Variants in SH3RF3 observed in about 807,000 individuals in gnomAD.
The protein encoded by SH3RF3 is SH3 domain containing ring finger 3.
SH3RF3 carries 29 observed loss-of-function variants against 66.3 expected under a neutral mutation model. That is an observed-to-expected ratio of 0.44 (90% CI 0.33 to 0.60). SH3RF3 has a LOEUF of 0.60. Among genes scored for constraint, SH3RF3 ranks in the 20% least tolerant of loss-of-function variants. The pLI is 0.04. For synonymous variants in SH3RF3, 583 were observed against 532.0 expected, an observed-to-expected ratio of 1.10 and a Z score of -1.32; for missense variants, 1,194 against 1,190.9, an observed-to-expected ratio of 1.00 and a Z score of -0.04.
chr2:109,469,549 A>G (rs930889980), intron 8 of SH3RF3, among the ~76,000 whole-genome samples: 1 of 152,030 alleles, frequency 6.6e-6, no homozygotes, highest in African/African-American at 2.4e-5. Context: ...TGCCTAGAAA[A>G]TAACAGTTAA....
intron 1 of SH3RF3, among the ~76,000 whole-genome samples, chr2:109,223,095 C>T (rs1032582929): frequency 6.6e-6 from 1 of 152,236 alleles, no homozygotes; most frequent in Non-Finnish European, 1.5e-5. Context: ...GCTTCTCCAT[C>T]CCAGACAGGG....
At chr2:109,168,459 G>C (rs1360880866) in intron 1 of SH3RF3, among the ~76,000 whole-genome samples, 1 of 152,136 alleles carries the variant, frequency 6.6e-6, no homozygotes, top group Non-Finnish European at 1.5e-5. Context: ...CTTGGCAGGA[G>C]GGAGAGGGCA....
At chr2:109,465,078 GC>G (rs2104699889) in intron 8 of SH3RF3, among the ~76,000 whole-genome samples, 1 of 152,300 alleles carries the variant, frequency 6.6e-6, no homozygotes, top group East Asian at 1.9e-4. Context: ...CAATGTTGTA[GC>G]CTTTTTGCAT....
At chr2:109,469,387 A>ACTGC (rs1483175421) in intron 8 of SH3RF3, among the ~76,000 whole-genome samples, 22 of 152,148 alleles carry the variant, frequency 1.4e-4, no homozygotes, top group African/African-American at 4.8e-4. Context: ...TGGGGCCAGA[A>ACTGC]CTGCCTGCCT....
At chr2:109,422,824 T>G (rs1252419412) in intron 5 of SH3RF3, among the ~76,000 whole-genome samples, 2 of 152,118 alleles carry the variant, frequency 1.3e-5, no homozygotes, top group Non-Finnish European at 2.9e-5. Context: ...AGCCACTGCC[T>G]GATGTGAAGG....
intron 8 of SH3RF3, among the ~76,000 whole-genome samples, chr2:109,479,631 A>G (rs1056358000): frequency 6.6e-6 from 1 of 152,172 alleles, no homozygotes; most frequent in African/African-American, 2.4e-5. Context: ...GCAAGGGGTC[A>G]GGGCTCTACT....
rs564877452 is a variant in SH3RF3 at position 109,371,991 on chromosome 2, C to T, written c.945+310C>T. The stretch of plus-strand genomic sequence containing the variant: ...TCTCAAGGGACCCCTGCGCCTGGCA[C>T]CCATGCTTCTCCAACTCCCCCAAGT... On this transcript the variant is annotated intron_variant, in intron 3 of 9. Coordinates refer to ENST00000309415, the MANE Select transcript of SH3RF3 (RefSeq NM_001099289.3). Among the ~76,000 whole-genome samples, 3 of 152,288 alleles carry T rather than the reference C, an allele frequency of 2.0e-5. No individual in the cohort carries two copies. In the South Asian group the frequency reaches 6.2e-4, roughly 32 times the overall value.
At chr2:109,187,414 G>A (rs187854166) in intron 1 of SH3RF3, among the ~76,000 whole-genome samples, 5 of 151,732 alleles carry the variant, frequency 3.3e-5, no homozygotes, top group Non-Finnish European at 7.4e-5. Context: ...GCTTAAGGCC[G>A]CACACACGTA....
chr2:109,497,303 G>T (rs575579988), intron 9 of SH3RF3, among the ~76,000 whole-genome samples: 66 of 152,308 alleles, frequency 4.3e-4, no homozygotes, highest in African/African-American at 1.5e-3. Context: ...GTCTTCCTGT[G>T]TTGGAGCAAG....
At chr2:109,490,105 T>C (rs370464525) in intron 8 of SH3RF3, among the ~76,000 whole-genome samples, 3 of 152,226 alleles carry the variant, frequency 2.0e-5, no homozygotes, top group East Asian at 1.9e-4. Context: ...TCTTTAAAGT[T>C]TCCTGATGGA....
At chr2:109,274,876 T>C (rs1019298382) in intron 1 of SH3RF3, among the ~76,000 whole-genome samples, 3 of 150,544 alleles carry the variant, frequency 2.0e-5, no homozygotes, top group South Asian at 2.1e-4. Flanking sequence ...CCCCACCATA[T>C]AAAAATGTTC....
At chr2:109,339,612 G>C (rs978107151) in intron 1 of SH3RF3, among the ~76,000 whole-genome samples, 1 of 152,158 alleles carries the variant, frequency 6.6e-6, no homozygotes, top group African/African-American at 2.4e-5. Flanking sequence ...AGGGGTTGCC[G>C]GTAGCGAGGC....
chr2:109,157,491 C>A (rs1677374385), intron 1 of SH3RF3, among the ~76,000 whole-genome samples: 1 of 152,180 alleles, frequency 6.6e-6, no homozygotes, highest in Non-Finnish European at 1.5e-5. Flanking sequence ...TCTCTGGACA[C>A]CCTCTGGATC....
Position 109,415,333 on chromosome 2 carries a change from A to G in SH3RF3, c.1300-4206A>G, listed in dbSNP as rs545990977. On this transcript the variant is annotated intron_variant, in intron 4 of 9. Transcript: ENST00000309415. ...GCACGTGGCCTGAGTTCAAAATAAT[A>G]AGCAGGCTGCCTGAGTTCAAAATAC... is the stretch of plus-strand genomic sequence containing the variant. Among the ~76,000 whole-genome samples, 4 of 152,322 alleles carry G rather than the reference A, an allele frequency of 2.6e-5. No homozygotes were observed. In the South Asian group the frequency reaches 6.2e-4, roughly 24 times the overall value.
chr2:109,223,019 T>G (rs1679290494), intron 1 of SH3RF3, among the ~76,000 whole-genome samples: 1 of 152,226 alleles, frequency 6.6e-6, no homozygotes, highest in Non-Finnish European at 1.5e-5. Flanking sequence ...GAGGGCACTG[T>G]CCGCCCCTGT....
chr2:109,431,346 T>C (rs76667113), intron 5 of SH3RF3, among the ~76,000 whole-genome samples: 5,609 of 152,328 alleles, frequency 0.037, 172 homozygotes, highest in African/African-American at 0.075. Context: ...CTTCCGTGGC[T>C]GAATCTTGTG....
At chr2:109,271,509 A>G (rs1378420867) in intron 1 of SH3RF3, among the ~76,000 whole-genome samples, 2 of 152,256 alleles carry the variant, frequency 1.3e-5, no homozygotes, top group African/African-American at 4.8e-5. Flanking sequence ...CTGTCAGCCA[A>G]CATGACAGCA....
chr2:109,466,829 G>A (rs1317351804), intron 8 of SH3RF3, among the ~76,000 whole-genome samples: 1 of 145,562 alleles, frequency 6.9e-6, no homozygotes, highest in East Asian at 1.9e-4. Context: ...GTGTGTATGT[G>A]TATGTATATG....
At chr2:109,371,264 C>T (rs1187542624) in intron 2 of SH3RF3, among the ~76,000 whole-genome samples, 3 of 152,222 alleles carry the variant, frequency 2.0e-5, no homozygotes, top group Non-Finnish European at 2.9e-5. Context: ...GTGGCACACG[C>T]CTGTAATCCC....
Sources: gnomAD v4.1 joint callset for allele counts (sites outside exome capture counted in the v4.1 genomes callset) on GRCh38, gnomAD v4.1.1 for gene constraint, MANE v1.5 for transcripts, NCBI Gene and HGNC (gene_info 2026-07-23, HGNC 2026-07-21) for gene names.